The following HDAC9 variants were observed in gnomAD, a reference collection of about 807,000 sequenced individuals.
The protein encoded by HDAC9 is MEF-2 interacting transcription repressor (MITR) protein.
Under a neutral mutation model 139.4 loss-of-function variants are expected in HDAC9, and 41 were observed. The observed-to-expected ratio is 0.29, with a 90% CI of 0.23 to 0.38. The LOEUF is 0.38. Among genes scored for constraint, HDAC9 ranks in the 10% least tolerant of loss-of-function variants. The pLI is 1.00. For synonymous variants in HDAC9, 517 were observed against 476.2 expected (o/e 1.09, Z -1.12); for missense variants, 1,147 against 1,297.0 (o/e 0.88, Z 1.78).
At chr7:18,248,150 G>A (rs965849363) in intron 2 of HDAC9, among the ~76,000 whole-genome samples, 4 of 152,120 alleles carry the variant, frequency 2.6e-5, no homozygotes, top group Admixed American at 1.3e-4. Context: ...TAATAAAGTC[G>A]TGTCTGGGAT....
intron 2 of HDAC9, among the ~76,000 whole-genome samples, chr7:18,527,358 C>G (rs1240686832): frequency 6.6e-6 from 1 of 152,050 alleles, no homozygotes; most frequent in African/African-American, 2.4e-5. Flanking sequence ...CCTCCCTCTC[C>G]TTTTGCTATA....
At chr7:18,892,471 G>T (rs916651010) in intron 22 of HDAC9, 9 of 152,118 alleles carry the variant, frequency 5.9e-5, no homozygotes, top group African/African-American at 2.2e-4. Context: ...TGGCATCAGA[G>T]CTAGTGGAAT....
chr7:18,191,789 A>G (rs1052766342), intron 2 of HDAC9, among the ~76,000 whole-genome samples: 3 of 152,242 alleles, frequency 2.0e-5, no homozygotes, highest in African/African-American at 4.8e-5. Flanking sequence ...TTTATAAACT[A>G]TAATGATTAA....
chr7:18,488,901 A>G (rs1796165256), intron 1 of HDAC9, among the ~76,000 whole-genome samples: 1 of 152,050 alleles, frequency 6.6e-6, no homozygotes, highest in African/African-American at 2.4e-5. Flanking sequence ...AAGGCAAAGG[A>G]AATGCAAAAA....
At chr7:18,530,104 A>C (rs2128234150) in intron 2 of HDAC9, among the ~76,000 whole-genome samples, 1 of 152,064 alleles carries the variant, frequency 6.6e-6, no homozygotes, top group Admixed American at 6.6e-5. Flanking sequence ...ACAAAGCAAG[A>C]TCCAGTCTCT....
intron 22 of HDAC9, among the ~76,000 whole-genome samples, chr7:18,902,674 G>T (rs186994435): frequency 6.6e-6 from 1 of 152,264 alleles, no homozygotes; most frequent in Admixed American, 6.5e-5. Context: ...ATAAAAATAT[G>T]CTTACCTCAG....
chr7:18,336,306 G>T (rs1000667509), intron 1 of HDAC9, among the ~76,000 whole-genome samples: 2 of 151,450 alleles, frequency 1.3e-5, no homozygotes, highest in Admixed American at 1.3e-4. Flanking sequence ...CCCAGATCTG[G>T]TTATCCATGT....
chr7:18,574,942 G>GACCCAGGGTGCC (rs1217408904), intron 2 of HDAC9, among the ~76,000 whole-genome samples: 1 of 152,234 alleles, frequency 6.6e-6, no homozygotes, highest in Non-Finnish European at 1.5e-5. Flanking sequence ...ACCCCGGAGG[G>GACCCAGGGTGCC]TGGGGCTTCT....
At chr7:18,879,239 GCAATTTA>G (rs1449370753) in intron 22 of HDAC9, among the ~76,000 whole-genome samples, 1 of 152,108 alleles carries the variant, frequency 6.6e-6, no homozygotes, top group East Asian at 1.9e-4. Flanking sequence ...ACTGCCCAAA[GCAATTTA>G]CAGATTCAAT....
chr7:18,284,379 T>C (rs891622281), intron 2 of HDAC9, among the ~76,000 whole-genome samples: 10 of 152,190 alleles, frequency 6.6e-5, no homozygotes, highest in African/African-American at 2.4e-4. Flanking sequence ...TCAGATCCTG[T>C]GTCCTGACTT....
chr7:18,886,209 A>G (rs2129262974), intron 22 of HDAC9, among the ~76,000 whole-genome samples: 1 of 152,284 alleles, frequency 6.6e-6, no homozygotes, highest in African/African-American at 2.4e-5. Flanking sequence ...TCCTCATACC[A>G]CATGATAACT....
At chr7:18,156,158 A>G (rs1787184694) in intron 1 of HDAC9, among the ~76,000 whole-genome samples, 1 of 152,186 alleles carries the variant, frequency 6.6e-6, no homozygotes, top group Non-Finnish European at 1.5e-5. Context: ...TTTGAGGCCA[A>G]CTTGAGTTTA....
intron 1 of HDAC9, among the ~76,000 whole-genome samples, chr7:18,474,701 TAATAA>T (rs1401230771): frequency 6.6e-6 from 1 of 152,124 alleles, no homozygotes; most frequent in Non-Finnish European, 1.5e-5. Context: ...AACTACTTCT[TAATAA>T]ACACAGCATC....
At position 18,683,896 on chromosome 7, in the gene HDAC9, A is replaced by G. The variant is rs566441044; in HGVS notation, c.1731+17420A>G. On this transcript the variant is annotated intron_variant, in intron 12 of 25. Transcript: ENST00000686413. ...CAAGTTTTATTTACTCTAAAATAAAACTAAGAATACTTAACTCATGAAGAC... is the reference window on the plus strand; with the variant it reads ...CAAGTTTTATTTACTCTAAAATAAAGCTAAGAATACTTAACTCATGAAGAC... Among the ~76,000 whole-genome samples the G allele has an allele frequency of 3.3e-5, 5 of 152,152 alleles. 1 individual carries two copies. Among genetic ancestry groups the G allele is most frequent in the African/African-American group, 1.2e-4 (5 of 41,542 alleles).
chr7:18,614,543 A>G (rs1212667652), intron 6 of HDAC9, among the ~76,000 whole-genome samples: 2 of 152,068 alleles, frequency 1.3e-5, no homozygotes, highest in Non-Finnish European at 2.9e-5. Context: ...CGTTGCACAG[A>G]GTAAGTGCTT....
chr7:18,311,519 A>T (rs1799316857), intron 1 of HDAC9, among the ~76,000 whole-genome samples: 2 of 152,134 alleles, frequency 1.3e-5, no homozygotes, highest in South Asian at 4.1e-4. Context: ...CAGATAGATA[A>T]TATTATTATT....
chr7:18,599,061 G>A lies in HDAC9; in HGVS notation c.664+5032G>A, dbSNP rs182573866. On this transcript the variant is annotated intron_variant, in intron 6 of 25. Coordinates refer to ENST00000686413, the MANE Select transcript of HDAC9 (RefSeq NM_178425.4). ...AGCAGGCTTGTTTTTGTTGTTCATC[G>A]TAGGAGGAAGTCTGATTGATGTTCT... Among the ~76,000 whole-genome samples the A allele has an allele frequency of 5.6e-4, 86 of 152,304 alleles. 2 individuals are homozygous for A. In the East Asian group the frequency reaches 0.01, roughly 18 times the overall value.
chr7:18,762,105 T>G, intron 14 of HDAC9, 52 bp from the exon 15 acceptor site: 1 of 1,607,806 alleles, frequency 6.2e-7, no homozygotes, highest in South Asian at 1.1e-5. Context: ...GGTCTCATTT[T>G]CTTCTAAATG....
chr7:18,702,141 G>A (rs562312952), intron 12 of HDAC9, among the ~76,000 whole-genome samples: 23 of 152,298 alleles, frequency 1.5e-4, no homozygotes, highest in African/African-American at 4.6e-4. Context: ...TCGCTGACCC[G>A]TGAAAAGGGA....
Sources: gnomAD v4.1 joint callset for allele counts (sites outside exome capture counted in the v4.1 genomes callset) on GRCh38, gnomAD v4.1.1 for gene constraint, MANE v1.5 for transcripts, NCBI Gene and HGNC (gene_info 2026-07-23, HGNC 2026-07-21) for gene names.